SLC38A4: variants seen among roughly 807,000 people sequenced by gnomAD.
The protein encoded by SLC38A4 is sodium-coupled neutral amino acid transporter 4.
In SLC38A4, 20 loss-of-function variants were observed where a neutral mutation model predicts 63.1. That is an observed-to-expected ratio of 0.32 (90% CI 0.22 to 0.46). SLC38A4 has a LOEUF of 0.46. Among genes scored for constraint, SLC38A4 ranks in the 20% least tolerant of loss-of-function variants. SLC38A4 has a pLI of 1.00. For missense variants in SLC38A4, 526 were observed against 663.6 expected (o/e 0.79, Z 2.28); for synonymous variants, 230 against 225.5 (o/e 1.02, Z -0.18).
chr12:46,790,273 T>C lies in SLC38A4; in HGVS notation c.120-1655A>G, dbSNP rs192381488. ...GAAACAGCACACGAAACCACAAAGT[T>C]GTATGTGCTTTTCTAGAACTCAAGG... is the stretch of plus-strand genomic sequence containing the variant. On this transcript the variant is annotated intron_variant, in intron 3 of 16. Coordinates refer to ENST00000266579, the MANE Select transcript of SLC38A4 (RefSeq NM_018018.5). 2.2e-3 allele frequency among the ~76,000 whole-genome samples: 339 copies of C among 152,174 alleles called. 1 individual carries two copies. Among genetic ancestry groups the C allele is most frequent in the African/African-American group, 7.9e-3 (330 of 41,520 alleles).
chr12:46,778,812 C>T (rs955030873), intron 10 of SLC38A4, 36 bp from the exon 11 acceptor site: 1 of 1,585,026 alleles, frequency 6.3e-7, no homozygotes, highest in East Asian at 2.3e-5. Context: ...AAAAAATCAG[C>T]TTTTTGAGAA....
At chr12:46,816,161 A>G (rs1449901656) in intron 1 of SLC38A4, among the ~76,000 whole-genome samples, 1 of 151,954 alleles carries the variant, frequency 6.6e-6, no homozygotes. Flanking sequence ...GATAGGCACC[A>G]ATGAGATATT....
Position 46,778,348 on chromosome 12 carries a change from G to C in SLC38A4, c.1014C>G (p.Ile338Met), listed in dbSNP as rs748591086. ...GGTGGCATACAAAAGCAAATACTAGGATAGGAATTGCATAGGCCGTCTGAA... is the reference window on the plus strand; with the variant it reads ...GGTGGCATACAAAAGCAAATACTAGCATAGGAATTGCATAGGCCGTCTGAA... Reference protein sequence around the residue: ...FNSRTAYAIPILVFAFVCHPE... With the variant: ...FNSRTAYAIPMLVFAFVCHPE... Residue 338 changes from isoleucine (I) to methionine (M), a missense_variant, in exon 12 of 17, where the codon ATC (isoleucine) becomes ATG (methionine). By Grantham distance (10) the Ile-to-Met change is conservative (BLOSUM62 1). Coordinates refer to ENST00000266579, the MANE Select transcript of SLC38A4 (RefSeq NM_018018.5). The C allele has an allele frequency of 2.5e-6, 4 of 1,612,680 alleles. No homozygotes were observed. The highest frequency in any genetic ancestry group is 3.4e-6 in the Non-Finnish European group (4 of 1,179,184).
At chr12:46,775,201 G>T (rs374328219) in intron 13 of SLC38A4, 28 bp from the exon 14 acceptor site, 1 of 1,604,752 alleles carries the variant, frequency 6.2e-7, no homozygotes, top group East Asian at 2.2e-5. Flanking sequence ...GAATGAAACC[G>T]CTTGGTGTTG....
chr12:46,772,183 G>C (rs760733076), intron 14 of SLC38A4, among the ~76,000 whole-genome samples: 14 of 150,512 alleles, frequency 9.3e-5, no homozygotes, highest in Admixed American at 3.3e-4. Context: ...CTCACACTTT[G>C]ATTTTGCAGG....
At position 46,779,070 on chromosome 12, in the gene SLC38A4, TA is replaced by T. The variant is rs748774327; in HGVS notation, c.718-295del. On this transcript the variant is annotated intron_variant, in intron 10 of 16. Coordinates refer to ENST00000266579, the MANE Select transcript of SLC38A4 (RefSeq NM_018018.5). ...TGATCATTTCCTTATTTCTTCAAACTAAGGTGACATGGGTCTTCAAAACTTT... is the reference window on the plus strand; with the variant it reads ...TGATCATTTCCTTATTTCTTCAAACTAGGTGACATGGGTCTTCAAAACTTT... Among the ~76,000 whole-genome samples the T allele has an allele frequency of 6.4e-4, 98 of 152,120 alleles. 1 individual carries two copies. The Middle Eastern group carries it at 0.014, about 21-fold the overall frequency.
At chr12:46,828,346 G>C (rs1239343532), upstream of SLC38A4, among the ~76,000 whole-genome samples, 1 of 151,978 alleles carries the variant, frequency 6.6e-6, no homozygotes, top group Non-Finnish European at 1.5e-5. Context: ...GTTTGAGATG[G>C]AGTCTCGCTC....
At chr12:46,830,268 T>A (rs1384529078), upstream of SLC38A4, among the ~76,000 whole-genome samples, 3 of 151,066 alleles carry the variant, frequency 2.0e-5, no homozygotes, top group Admixed American at 2.0e-4. Flanking sequence ...GATTTATTTG[T>A]TAGAATTTAA....
At chr12:46,788,158 G>A (rs1938802615) in intron 4 of SLC38A4, 127 bp from the exon 5 acceptor site, 2 of 651,936 alleles carry the variant, frequency 3.1e-6, no homozygotes, top group Non-Finnish European at 5.3e-6. Context: ...CATTACAGGA[G>A]TAAAGCCATT....
Position 46,766,057 on chromosome 12 carries a change from A to C in SLC38A4, c.*644T>G, listed in dbSNP as rs1938292028. 1 of 173,658 alleles carries C rather than the reference A, an allele frequency of 5.8e-6. No homozygotes were observed. The highest frequency in any genetic ancestry group is 1.2e-5 in the Non-Finnish European group (1 of 80,850). The allele number at this position is 173,658 out of a possible 1,614,324, so 10.8% of individuals were successfully genotyped here. ...TTTAACATTTAAATATAGATGTTTTAACATTTACAAAAATCTATTGAATAT... is the reference window on the plus strand; with the variant it reads ...TTTAACATTTAAATATAGATGTTTTCACATTTACAAAAATCTATTGAATAT... On this transcript the variant is annotated 3_prime_UTR_variant, in exon 17 of 17. Transcript: ENST00000266579.
At chr12:46,788,370 A>G (rs905356216) in intron 4 of SLC38A4, among the ~76,000 whole-genome samples, 158 bp downstream of exon 4, 4 of 152,232 alleles carry the variant, frequency 2.6e-5, no homozygotes, top group African/African-American at 9.6e-5. Context: ...TATGGCGAAC[A>G]GGAAAAAACA....
chr12:46,809,007 T>A (rs1939289694), intron 1 of SLC38A4, among the ~76,000 whole-genome samples: 1 of 152,030 alleles, frequency 6.6e-6, no homozygotes, highest in African/African-American at 2.4e-5. Context: ...GATCACAGCA[T>A]ATTAATTTCC....
chr12:46,774,942 AT>A, intron 14 of SLC38A4, 106 bp downstream of exon 14: 1 of 1,273,940 alleles, frequency 7.8e-7, no homozygotes, highest in East Asian at 2.4e-5. Flanking sequence ...ATCCTCAGGC[AT>A]TGCAATTGCA....
rs115723272 is a variant in SLC38A4 at position 46,770,311 on chromosome 12, G to A, written c.1300-883C>T. On this transcript the variant is annotated intron_variant, in intron 14 of 16. Coordinates refer to ENST00000266579, the MANE Select transcript of SLC38A4 (RefSeq NM_018018.5). ...CATTTTAAAATAAAATTTTAAAATG[G>A]TATTTTAAAATTTTGACGTTTTTGT... 5.0e-3 allele frequency among the ~76,000 whole-genome samples: 721 copies of A among 143,530 alleles called. 6 individuals carry two copies. Among genetic ancestry groups the A allele is most frequent in the African/African-American group, 0.017 (675 of 40,884 alleles). 94.2% of individuals were successfully genotyped at this position (143,530 alleles called of 152,430 possible).
intron 14 of SLC38A4, among the ~76,000 whole-genome samples, chr12:46,770,278 G>T (rs1339040524): frequency 6.6e-6 from 1 of 151,318 alleles, no homozygotes; most frequent in Non-Finnish European, 1.5e-5. Context: ...ATTTTGCATG[G>T]TATTTAACAT....
chr12:46,828,690 C>T (rs556238049), upstream of SLC38A4, among the ~76,000 whole-genome samples: 20 of 152,324 alleles, frequency 1.3e-4, no homozygotes, highest in East Asian at 1.4e-3. Context: ...CCAGTAGACT[C>T]ATTCATTGTT....
intron 7 of SLC38A4, among the ~76,000 whole-genome samples, chr12:46,781,915 G>C (rs1423111277): frequency 6.6e-6 from 1 of 151,926 alleles, no homozygotes; most frequent in Non-Finnish European, 1.5e-5. Flanking sequence ...TGAAATGCTC[G>C]ATACTTTAAA....
At chr12:46,824,588 T>C (rs1483908842) in intron 1 of SLC38A4, among the ~76,000 whole-genome samples, 2 of 152,076 alleles carry the variant, frequency 1.3e-5, no homozygotes, top group African/African-American at 4.8e-5. Flanking sequence ...GACCAAACTA[T>C]CCATCTACTC....
chr12:46,805,899 G>A (rs544322442), intron 1 of SLC38A4, among the ~76,000 whole-genome samples: 2 of 152,002 alleles, frequency 1.3e-5, no homozygotes, highest in South Asian at 4.2e-4. Context: ...ATAGGGGTAG[G>A]GGCTGGGGGT....
Sources: gnomAD v4.1 joint callset for allele counts (sites outside exome capture counted in the v4.1 genomes callset) on GRCh38, gnomAD v4.1.1 for gene constraint, MANE v1.5 for transcripts, NCBI Gene and HGNC (gene_info 2026-07-23, HGNC 2026-07-21) for gene names.